The following NCDN variants were observed in gnomAD, a reference collection of about 807,000 sequenced individuals.
NCDN encodes norbin.
Under a neutral mutation model 60.7 loss-of-function variants are expected in NCDN, and 9 were observed. That is an observed-to-expected ratio of 0.15 (90% CI 0.09 to 0.26). NCDN has a LOEUF of 0.26. Among genes scored for constraint, NCDN ranks in the 10% least tolerant of loss-of-function variants. NCDN has a pLI of 1.00. For synonymous variants in NCDN, 409 were observed against 442.5 expected (o/e 0.92, Z 0.95); for missense variants, 578 against 975.2 (o/e 0.59, Z 5.42).
In NCDN at chr1:35,557,852, G is replaced by T; in HGVS notation, c.-339G>T. 1 of 580,928 alleles carries T rather than the reference G, an allele frequency of 1.7e-6. No homozygotes were observed. The highest frequency in any genetic ancestry group is 3.2e-6 in the Non-Finnish European group (1 of 309,052). 36.0% of individuals were successfully genotyped at this position (580,928 alleles called of 1,614,324 possible). On this transcript the variant is annotated 5_prime_UTR_variant, in exon 1 of 7. Transcript: ENST00000373243. The stretch of plus-strand genomic sequence containing the variant: ...CGAGGCTCCCGGAGCATCGCGCTGG[G>T]AGAAGACTTCGCCGCTCGGGGCCGC...
At position 35,566,049 on chromosome 1, in the gene NCDN, C is replaced by T. The variant is rs558923918; in HGVS notation, c.*386C>T. On this transcript the variant is annotated 3_prime_UTR_variant, in exon 7 of 7. Coordinates refer to ENST00000373243, the MANE Select transcript of NCDN (RefSeq NM_014284.3). This position sits in a 1 kb window ranked among gnomAD's most constrained non-coding sequence, Gnocchi z 5.3. Reference sequence around the variant, plus strand: ...GACTGCCTCAGCCCATGTGCCCTGCCGGCCAGGGCGTGGGCTCCCCTCGGC... The same window carrying T: ...GACTGCCTCAGCCCATGTGCCCTGCTGGCCAGGGCGTGGGCTCCCCTCGGC... 11 of 208,652 alleles carry T rather than the reference C, an allele frequency of 5.3e-5. No homozygotes were observed. The East Asian group carries it at 5.4e-4, about 10-fold the overall frequency. The allele number at this position is 208,652 out of a possible 1,614,324, so 12.9% of individuals were successfully genotyped here.
Position 35,565,621 on chromosome 1 carries a change from C to T in NCDN, c.2148C>T (p.His716=), listed in dbSNP as rs1458980122. 2 of 1,561,852 alleles carry T rather than the reference C, an allele frequency of 1.3e-6. No individual in the cohort carries two copies. Among genetic ancestry groups the T allele is most frequent in the Non-Finnish European group, 1.7e-6 (2 of 1,160,940 alleles). ...RLQAGEETAS[H]YRMAALEQCL... ...AGGCGGGCGAGGAGACGGCCAGCCA[C>T]TACCGCATGGCTGCCTTGGAGCAGT... is the stretch of plus-strand genomic sequence containing the variant. Residue 716 remains histidine, a synonymous_variant, in exon 7 of 7, where the codon CAC becomes CAT. Transcript: ENST00000373243. This position sits in a 1 kb window ranked among gnomAD's most constrained non-coding sequence, Gnocchi z 8.9.
Position 35,566,733 on chromosome 1 carries a change from A to G in NCDN, c.*1070A>G. 1 of 466,034 alleles carries G rather than the reference A, an allele frequency of 2.1e-6. No homozygotes were observed. The highest frequency in any genetic ancestry group is 4.4e-6 in the Non-Finnish European group (1 of 226,442). 28.9% of individuals were successfully genotyped at this position (466,034 alleles called of 1,614,324 possible). A position where few individuals can be genotyped will look rare whatever the true frequency, so the allele number is the denominator to read the frequency against. ...TGCGTTCTGTGATCGCCAAGTTCAA[A>G]GCTGTGCACATGTGGACACTCAATA... On this transcript the variant is annotated 3_prime_UTR_variant, in exon 7 of 7. Coordinates refer to ENST00000373243, the MANE Select transcript of NCDN (RefSeq NM_014284.3). The surrounding 1 kb of genome is among the most constrained non-coding windows in gnomAD (Gnocchi z 5.3).
In NCDN at chr1:35,565,769, C is replaced by T; in HGVS notation, c.*106C>T. ...GGCCCCCCCCTCCCCAGACTTCCTC[C>T]CCAAAACACCCCAGCTTTCTGGCTT... is the stretch of plus-strand genomic sequence containing the variant. On this transcript the variant is annotated 3_prime_UTR_variant, in exon 7 of 7. Coordinates refer to ENST00000373243, the MANE Select transcript of NCDN (RefSeq NM_014284.3). The surrounding 1 kb of genome is among the most constrained non-coding windows in gnomAD (Gnocchi z 8.9). The T allele has an allele frequency of 2.5e-6, 3 of 1,217,868 alleles. No individual in the cohort carries two copies. The highest frequency in any genetic ancestry group is 3.3e-6 in the Non-Finnish European group (3 of 896,972). The allele number at this position is 1,217,868 out of a possible 1,614,324, so 75.4% of individuals were successfully genotyped here.
At position 35,563,598 on chromosome 1, in the gene NCDN, G is replaced by A. The variant is rs781035821; in HGVS notation, c.1611-169G>A. On this transcript the variant is annotated intron_variant, in intron 5 of 6. Coordinates refer to ENST00000373243, the MANE Select transcript of NCDN (RefSeq NM_014284.3). The surrounding 1 kb of genome is among the most constrained non-coding windows in gnomAD (Gnocchi z 6.6). Reference sequence around the variant, plus strand: ...CCCCGCACAAGGATTCGGCATGCTGGAACCCCCAGGTACTGTCTCAGCATG... The same window carrying A: ...CCCCGCACAAGGATTCGGCATGCTGAAACCCCCAGGTACTGTCTCAGCATG... Among the ~76,000 whole-genome samples the A allele has an allele frequency of 3.3e-5, 5 of 152,120 alleles. No individual in the cohort carries two copies. Among genetic ancestry groups the A allele is most frequent in the Non-Finnish European group, 5.9e-5 (4 of 68,020 alleles).
Position 35,558,429 on chromosome 1 carries a change from CG to C in NCDN, c.33+207del. The C allele has an allele frequency of 7.0e-7, 1 of 1,436,274 alleles. No homozygotes were observed. The highest frequency in any genetic ancestry group is 9.1e-7 in the Non-Finnish European group (1 of 1,098,750). 89.0% of individuals were successfully genotyped at this position (1,436,274 alleles called of 1,614,324 possible). ...CGCAAGGGGTTAATTCTGCTGCTGC[CG>C]CCGCCGCTGCTGCTGCTGCTGCAGC... On this transcript the variant is annotated intron_variant, in intron 1 of 6. Transcript: ENST00000373243. This position sits in a 1 kb window ranked among gnomAD's most constrained non-coding sequence, Gnocchi z 6.3.
rs1648745217 is a variant in NCDN at position 35,562,771 on chromosome 1, T to C, written c.1385+138T>C. The C allele has an allele frequency of 7.8e-7, 1 of 1,275,964 alleles. No homozygotes were observed. The highest frequency in any genetic ancestry group is 1.0e-6 in the Non-Finnish European group (1 of 954,406). The allele number at this position is 1,275,964 out of a possible 1,614,324, so 79.0% of individuals were successfully genotyped here. On this transcript the variant is annotated intron_variant, in intron 4 of 6. Transcript: ENST00000373243. This position sits in a 1 kb window ranked among gnomAD's most constrained non-coding sequence, Gnocchi z 6.8. ...GATATCCCTTAGGGTTATTTCTGTT[T>C]TGGGGGGCTTGTTCCCACAGGACTC...
At chr1:35,564,842 T>C (rs1319308534) in intron 6 of NCDN, among the ~76,000 whole-genome samples, 2 of 152,132 alleles carry the variant, frequency 1.3e-5, no homozygotes, top group Non-Finnish European at 2.9e-5. Context: ...AAGGATCAAA[T>C]GGTGCAACTC....
chr1:35,564,609 C>T (rs1478771944), intron 6 of NCDN, among the ~76,000 whole-genome samples: 1 of 152,182 alleles, frequency 6.6e-6, no homozygotes, highest in Non-Finnish European at 1.5e-5. Context: ...GGAAGGGGTG[C>T]ACATCCCTGT....
At chr1:35,564,392 G>A (rs1055526933) in intron 6 of NCDN, among the ~76,000 whole-genome samples, 13 of 152,148 alleles carry the variant, frequency 8.5e-5, no homozygotes, top group Admixed American at 3.9e-4. Context: ...GGGGAGGGAC[G>A]TCCCCTCCAG....
rs1648735564 is a variant in NCDN, at chr1:35,562,495, A to T, written c.1247A>T (p.Gln416Leu). The T allele has an allele frequency of 6.2e-7, 1 of 1,614,034 alleles. No individual in the cohort carries two copies. Reference sequence around the variant, plus strand: ...TCATCCTTGCGTAAGGAGGTGTGCCAGCTGCTGCCCTTCCTCGTCCGCTAT... The same window carrying T: ...TCATCCTTGCGTAAGGAGGTGTGCCTGCTGCTGCCCTTCCTCGTCCGCTAT... The part of the protein sequence containing the change: ...ETSSLRKEVC[Q>L]LLPFLVRYAK... Residue 416 changes from glutamine to leucine, a missense_variant, in exon 4 of 7, where the codon CAG becomes CTG. Around this residue, in one of 3 missense-constraint regions of NCDN, gnomAD observed 363 missense variants for 583.6 expected, o/e 0.62. Transcript: ENST00000373243. The surrounding 1 kb of genome is among the most constrained non-coding windows in gnomAD (Gnocchi z 6.8).
rs998037805 is a variant in NCDN, at chr1:35,562,534, A to G, written c.1286A>G (p.Tyr429Cys). The change falls in exon 4 of 7, where the codon TAC becomes TGC. Residue 429 changes from tyrosine to cysteine, a missense_variant. Coordinates refer to ENST00000373243, the MANE Select transcript of NCDN (RefSeq NM_014284.3). The surrounding 1 kb of genome is among the most constrained non-coding windows in gnomAD (Gnocchi z 6.8). The stretch of plus-strand genomic sequence containing the variant: ...CTCGTCCGCTATGCCAAGACCCTCT[A>G]CGAGGAGGCCGAGGAGGCCAATGAC... ...PFLVRYAKTL[Y>C]EEAEEANDLS... 1.2e-5 allele frequency: 19 copies of G among 1,613,994 alleles called. No homozygotes were observed. Among genetic ancestry groups the G allele is most frequent in the Non-Finnish European group, 1.6e-5 (19 of 1,180,004 alleles).
In NCDN at chr1:35,560,919, A is replaced by G. The variant is rs747914477; in HGVS notation, c.768A>G (p.Glu256=). Residue 256 remains glutamate (E), a synonymous_variant, in exon 3 of 7, where the codon GAA becomes GAG. Coordinates refer to ENST00000373243, the MANE Select transcript of NCDN (RefSeq NM_014284.3). The surrounding 1 kb of genome is among the most constrained non-coding windows in gnomAD (Gnocchi z 7.6). ...TGCCCCCGACAACCGTGCCCCCTGAATGCTACCGGGATCTGCAGGCCGGGC... is the reference window on the plus strand; with the variant it reads ...TGCCCCCGACAACCGTGCCCCCTGAGTGCTACCGGGATCTGCAGGCCGGGC... ...LFLPPTTVPP[E]CYRDLQAGLA... 1.2e-6 allele frequency: 2 copies of G among 1,614,020 alleles called. No individual in the cohort carries two copies. The highest frequency in any genetic ancestry group is 1.7e-6 in the Non-Finnish European group (2 of 1,179,970).
In NCDN at chr1:35,562,718, T is replaced by A; in HGVS notation, c.1385+85T>A. ...GGACACCCCTCCCCACAAACTGAGC[T>A]GTGCCAGGCTTCCTGATTGGGCCAT... On this transcript the variant is annotated intron_variant, in intron 4 of 6. Coordinates refer to ENST00000373243, the MANE Select transcript of NCDN (RefSeq NM_014284.3). This position sits in a 1 kb window ranked among gnomAD's most constrained non-coding sequence, Gnocchi z 6.8. 3 of 1,483,014 alleles carry A rather than the reference T, an allele frequency of 2.0e-6. No individual in the cohort carries two copies. The highest frequency in any genetic ancestry group is 2.7e-6 in the Non-Finnish European group (3 of 1,110,560). The allele number at this position is 1,483,014 out of a possible 1,614,324, so 91.9% of individuals were successfully genotyped here. A position where few individuals can be genotyped will look rare whatever the true frequency, so the allele number is the denominator to read the frequency against.
At position 35,559,185 on chromosome 1, in the gene NCDN, C is replaced by G; in HGVS notation, c.112C>G (p.Arg38Gly). The change falls in exon 2 of 7, where the codon CGC becomes GGC. Residue 38 changes from arginine (R) to glycine (G), a missense_variant. This residue lies in a region of NCDN where 363 missense variants were observed against 583.6 expected (regional missense o/e 0.62). Coordinates refer to ENST00000373243, the MANE Select transcript of NCDN (RefSeq NM_014284.3). ...AGAGGGCCGAAACCCCACCCTGGAGCGCTACCTGGGAGCCCTCCGTGAGGC... is the reference window on the plus strand; with the variant it reads ...AGAGGGCCGAAACCCCACCCTGGAGGGCTACCTGGGAGCCCTCCGTGAGGC... Reference protein sequence around the residue: ...QAEGRNPTLERYLGALREAKN... With the variant: ...QAEGRNPTLEGYLGALREAKN... The G allele has an allele frequency of 6.2e-7, 1 of 1,614,096 alleles. No individual in the cohort carries two copies. The highest frequency in any genetic ancestry group is 8.5e-7 in the Non-Finnish European group (1 of 1,180,008).
Position 35,560,681 on chromosome 1 carries a change from C to G in NCDN, c.530C>G (p.Thr177Ser). Residue 177 changes from threonine (T) to serine (S), a missense_variant, in exon 3 of 7, where the codon ACC becomes AGC. Transcript: ENST00000373243. The surrounding 1 kb of genome is among the most constrained non-coding windows in gnomAD (Gnocchi z 7.6). ...RGPRHLIAGG[T>S]VSALCQAYLG... ...CCTCGGCACCTCATTGCTGGTGGCA[C>G]CGTGTCTGCCCTATGCCAGGCATAC... is the stretch of plus-strand genomic sequence containing the variant. The G allele has an allele frequency of 6.2e-7, 1 of 1,613,098 alleles. No homozygotes were observed. Among genetic ancestry groups the G allele is most frequent in the Non-Finnish European group, 8.5e-7 (1 of 1,180,048 alleles).
rs2148538713 is a variant in NCDN, at chr1:35,562,107, G to A, written c.1144-285G>A. ...GGTAGGGAGTTAGGGAGATGTGACT[G>A]GAGCCTCAGCGAGTACGGGGGCATG... On this transcript the variant is annotated intron_variant, in intron 3 of 6. Coordinates refer to ENST00000373243, the MANE Select transcript of NCDN (RefSeq NM_014284.3). The surrounding 1 kb of genome is among the most constrained non-coding windows in gnomAD (Gnocchi z 6.8). 6.6e-6 allele frequency among the ~76,000 whole-genome samples: 1 copy of A among 152,256 alleles called. No individual in the cohort carries two copies. Among genetic ancestry groups the A allele is most frequent in the South Asian group, 2.1e-4 (1 of 4,826 alleles).
At position 35,558,689 on chromosome 1, in the gene NCDN, T is replaced by C; in HGVS notation, c.34-418T>C. ...CGGATAATCGAACTTCACCCATGTA[T>C]GTCTCCATTTCTCCCTGTCTGTCCT... On this transcript the variant is annotated intron_variant, in intron 1 of 6. Coordinates refer to ENST00000373243, the MANE Select transcript of NCDN (RefSeq NM_014284.3). The surrounding 1 kb of genome is among the most constrained non-coding windows in gnomAD (Gnocchi z 6.3). 1 of 1,136,234 alleles carries C rather than the reference T, an allele frequency of 8.8e-7. No individual in the cohort carries two copies. Among genetic ancestry groups the C allele is most frequent in the African/African-American group, 1.6e-5 (1 of 63,054 alleles). 70.4% of individuals were successfully genotyped at this position (1,136,234 alleles called of 1,614,324 possible). A position where few individuals can be genotyped will look rare whatever the true frequency, so the allele number is the denominator to read the frequency against.
Position 35,561,261 on chromosome 1 carries a change from G to A in NCDN, c.1110G>A (p.Glu370=), listed in dbSNP as rs765139402. 1.9e-6 allele frequency: 3 copies of A among 1,605,428 alleles called. No homozygotes were observed. Among genetic ancestry groups the A allele is most frequent in the Non-Finnish European group, 1.7e-6 (2 of 1,177,556 alleles). The change falls in exon 3 of 7, where the codon GAG becomes GAA. Residue 370 remains glutamate, a synonymous_variant. Transcript: ENST00000373243. The surrounding 1 kb of genome is among the most constrained non-coding windows in gnomAD (Gnocchi z 4.9). ...TGCAGCTCGTGAGCGTCATGAAGGA[G>A]GCCATAGGGGCTGTTATCCACTACC... is the stretch of plus-strand genomic sequence containing the variant. ...QKVQLVSVMK[E]AIGAVIHYLL... is the part of the protein sequence containing the mutation.
Sources: allele counts gnomAD v4.1 joint callset (sites outside exome capture counted in the v4.1 genomes callset), GRCh38; gene constraint gnomAD v4.1.1; regional missense constraint gnomAD v4.1.1; non-coding constraint Gnocchi (gnomAD v3.1); transcripts MANE v1.5; gene names NCBI Gene and HGNC (gene_info 2026-07-23, HGNC 2026-07-21).